Variants in KIAA0825 observed in about 807,000 individuals in gnomAD.
KIAA0825 encodes uncharacterized protein KIAA0825.
KIAA0825 carries 119 observed loss-of-function variants against 147.6 expected under a neutral mutation model. That is an observed-to-expected ratio of 0.81 (90% CI 0.69 to 0.94). The LOEUF (loss-of-function observed/expected upper bound fraction) is 0.94, where lower values mean the gene tolerates loss of function less well. KIAA0825 is among the 40% of genes least tolerant of loss of function. The probability of loss-of-function intolerance (pLI) is 0.00; values close to 1 mark genes in which losing one functional copy is unlikely to be tolerated. For synonymous variants in KIAA0825, 470 were observed against 518.1 expected, an observed-to-expected ratio of 0.91 and a Z score of 1.26; for missense variants, 1,381 against 1,472.7, an observed-to-expected ratio of 0.94 and a Z score of 1.02.
intron 20 of KIAA0825, among the ~76,000 whole-genome samples, chr5:94,349,905 C>T (rs948243632): frequency 4.6e-5 from 7 of 151,926 alleles, no homozygotes; most frequent in African/African-American, 1.7e-4. Flanking sequence ...CAAACCCAAA[C>T]CCAGCAGAAA....
At chr5:94,204,679 A>G in intron 20 of KIAA0825, among the ~76,000 whole-genome samples, 1 of 152,234 alleles carries the variant, frequency 6.6e-6, no homozygotes, top group East Asian at 1.9e-4. Context: ...AAATGGAAGA[A>G]TATACAAAAG....
Position 94,396,153 on chromosome 5 carries a change from G to A in KIAA0825, c.3244C>T (p.Pro1082Ser). Residue 1082 changes from proline to serine, a missense_variant, in exon 17 of 21, where the codon CCC becomes TCC. Physicochemically the swap from Pro to Ser is moderately conservative, Grantham distance 74. Coordinates refer to ENST00000682413, the MANE Select transcript of KIAA0825 (RefSeq NM_001145678.3). ...AACAATTGACGTTCAATCCAGTTGGGCTTCTGCTGCTCAATGCTCTGTATG... is the reference window on the plus strand; with the variant it reads ...AACAATTGACGTTCAATCCAGTTGGACTTCTGCTGCTCAATGCTCTGTATG... ...KVIQSIEQQK[P>S]NWIERQLLKA... 5 of 1,534,548 alleles carry A rather than the reference G, an allele frequency of 3.3e-6. No homozygotes were observed. The highest frequency in any genetic ancestry group is 4.4e-6 in the Non-Finnish European group (5 of 1,141,130).
At chr5:94,455,513 A>T (rs1758989136) in intron 12 of KIAA0825, among the ~76,000 whole-genome samples, 1 of 152,192 alleles carries the variant, frequency 6.6e-6, no homozygotes, top group Non-Finnish European at 1.5e-5. Context: ...AGAGGGAAAC[A>T]TAATAGTAAC....
intron 3 of KIAA0825, among the ~76,000 whole-genome samples, chr5:94,530,905 G>A (rs776446827): frequency 2.0e-5 from 3 of 152,074 alleles, no homozygotes; most frequent in Non-Finnish European, 4.4e-5. Context: ...CTATTGGCTC[G>A]ATCTCTTTAT....
chr5:94,444,445 G>T (rs1757486858), intron 13 of KIAA0825, among the ~76,000 whole-genome samples: 1 of 151,898 alleles, frequency 6.6e-6, no homozygotes, highest in Non-Finnish European at 1.5e-5. Context: ...GATTCACCAG[G>T]GCATCTCTCA....
At chr5:94,540,794 ATACTT>A (rs1773137620) in intron 2 of KIAA0825, among the ~76,000 whole-genome samples, 2 of 152,220 alleles carry the variant, frequency 1.3e-5, no homozygotes, top group Non-Finnish European at 2.9e-5. Flanking sequence ...AGTTTGCTAA[ATACTT>A]TAAGGTCATA....
At chr5:94,481,030 A>C (rs1317539097) in intron 6 of KIAA0825, among the ~76,000 whole-genome samples, 2 of 152,114 alleles carry the variant, frequency 1.3e-5, no homozygotes, top group Non-Finnish European at 2.9e-5. Flanking sequence ...ATGAACTCTA[A>C]ACATTTGATG....
chr5:94,386,432 G>T, intron 18 of KIAA0825, 28 bp from the exon 19 acceptor site: 1 of 1,525,260 alleles, frequency 6.6e-7, no homozygotes, highest in South Asian at 1.2e-5. Context: ...TACAAGTTGT[G>T]ACGGTGAGAA....
In KIAA0825 at chr5:94,430,591, A is replaced by C. The variant is rs535494057; in HGVS notation, c.2497+9391T>G. On this transcript the variant is annotated intron_variant, in intron 14 of 20. Coordinates refer to ENST00000682413, the MANE Select transcript of KIAA0825 (RefSeq NM_001145678.3). ...ATAATCCCGGGTCATAAATGAAATA[A>C]TATGTTAAATCATTTGAGTTGCTTG... Among the ~76,000 whole-genome samples, 3 of 152,354 alleles carry C rather than the reference A, an allele frequency of 2.0e-5. No homozygotes were observed. The South Asian group carries it at 6.2e-4, about 32-fold the overall frequency.
At chr5:94,452,847 G>A (rs1554283311) in intron 13 of KIAA0825, 112 bp downstream of exon 13, 12 of 549,944 alleles carry the variant, frequency 2.2e-5, no homozygotes, top group South Asian at 7.4e-5. Context: ...GTGAAAAGTC[G>A]TAAGTTCTTT....
chr5:94,386,414 AAAG>A lies in KIAA0825; in HGVS notation c.3457-13_3457-11del, dbSNP rs1300843511. Reference sequence around the variant, plus strand: ...GTTCTTTTAAATATTCCTTCAAAGAAAAGAAATTACAAGTTGTGACGGTGAGAA... The same window carrying A: ...GTTCTTTTAAATATTCCTTCAAAGAAAAATTACAAGTTGTGACGGTGAGAA... On this transcript the variant is annotated splice_polypyrimidine_tract_variant and intron_variant, in intron 18 of 20. Transcript: ENST00000682413. The A allele has an allele frequency of 6.5e-7, 1 of 1,541,012 alleles. No individual in the cohort carries two copies. The highest frequency in any genetic ancestry group is 1.4e-5 in the African/African-American group (1 of 72,290).
In KIAA0825 at chr5:94,396,402, T is replaced by G; in HGVS notation, c.2995A>C (p.Arg999=). Residue 999 remains arginine, a synonymous_variant, in exon 17 of 21, where the codon AGA becomes CGA. Coordinates refer to ENST00000682413, the MANE Select transcript of KIAA0825 (RefSeq NM_001145678.3). ...PVKYFFFLSE[R]KMSKKFVELK... ...TCAACAAATTTTTTTGACATTTTTC[T>G]CTCAGACAGAAAAAAGAAGTATTTA... The G allele has an allele frequency of 1.9e-6, 3 of 1,550,550 alleles. No individual in the cohort carries two copies. Among genetic ancestry groups the G allele is most frequent in the Non-Finnish European group, 2.6e-6 (3 of 1,146,678 alleles).
At chr5:94,212,487 G>A (rs1034192408) in intron 20 of KIAA0825, among the ~76,000 whole-genome samples, 11 of 152,136 alleles carry the variant, frequency 7.2e-5, no homozygotes, top group Admixed American at 3.3e-4. Flanking sequence ...AGCCTGCTAA[G>A]GTTTCATAAA....
chr5:94,280,206 T>C (rs1200924824), intron 20 of KIAA0825, among the ~76,000 whole-genome samples: 1 of 152,022 alleles, frequency 6.6e-6, no homozygotes, highest in Non-Finnish European at 1.5e-5. Flanking sequence ...TGCCTGGTGA[T>C]CATAAAATAG....
At chr5:94,310,253 G>T (rs763854961) in intron 20 of KIAA0825, among the ~76,000 whole-genome samples, 2 of 151,616 alleles carry the variant, frequency 1.3e-5, no homozygotes, top group East Asian at 3.9e-4. Flanking sequence ...TTCACATTTT[G>T]CTCATTACAG....
chr5:94,260,693 A>G, intron 20 of KIAA0825, among the ~76,000 whole-genome samples: 1 of 152,136 alleles, frequency 6.6e-6, no homozygotes, highest in African/African-American at 2.4e-5. Context: ...ATGAAGAGGT[A>G]TTTGCAGTTC....
chr5:94,210,373 T>A (rs1772596487), intron 20 of KIAA0825, among the ~76,000 whole-genome samples: 1 of 152,188 alleles, frequency 6.6e-6, no homozygotes, highest in African/African-American at 2.4e-5. Flanking sequence ...TATAACATAA[T>A]GATGCTGCAT....
chr5:94,236,924 C>T (rs1345873644), intron 20 of KIAA0825, among the ~76,000 whole-genome samples: 8 of 152,134 alleles, frequency 5.3e-5, no homozygotes, highest in Admixed American at 1.3e-4. Flanking sequence ...ATAGTGTAAA[C>T]GTAAGTGTTA....
At chr5:94,512,650 T>C (rs984571751) in intron 5 of KIAA0825, among the ~76,000 whole-genome samples, 1 of 150,176 alleles carries the variant, frequency 6.7e-6, no homozygotes, top group African/African-American at 2.5e-5. Context: ...TCCCAGCAAT[T>C]TGGGAGGCTG....
Sources: gnomAD v4.1 joint callset for allele counts (sites outside exome capture counted in the v4.1 genomes callset) on GRCh38, gnomAD v4.1.1 for gene constraint, MANE v1.5 for transcripts, NCBI Gene and HGNC (gene_info 2026-07-23, HGNC 2026-07-21) for gene names.